PTK7: variants seen among roughly 807,000 people sequenced by gnomAD.
The protein encoded by PTK7 is protein tyrosine kinase 7 (inactive).
A neutral mutation model predicts 116.6 loss-of-function variants in PTK7; 39 were observed. The observed-to-expected ratio is 0.33, with a 90% CI of 0.26 to 0.44. The LOEUF (loss-of-function observed/expected upper bound fraction) is 0.44, where lower values mean the gene tolerates loss of function less well. Among genes scored for constraint, PTK7 ranks in the 20% least tolerant of loss-of-function variants. The probability of loss-of-function intolerance (pLI) is 1.00; values close to 1 mark genes in which losing one functional copy is unlikely to be tolerated. For synonymous variants in PTK7, 546 were observed against 563.6 expected, an observed-to-expected ratio of 0.97 and a Z score of 0.44; for missense variants, 1,169 against 1,425.6, an observed-to-expected ratio of 0.82 and a Z score of 2.90.
rs1362196286 is a variant in PTK7, at chr6:43,076,334, GCTCGGGACGC to G, written c.-138_-129del. On this transcript the variant is annotated 5_prime_UTR_variant, in exon 1 of 20. Transcript: ENST00000230419. The surrounding 1 kb of genome is among the most constrained non-coding windows in gnomAD (Gnocchi z 5.7). ...GAGGTACTGGGCGCGCGCGGCTCCG[GCTCGGGACGC>G]CTCGGGACGCCTCGGGGTCGGGCTC... 1.7e-4 allele frequency: 56 copies of G among 321,350 alleles called. No homozygotes were observed. Among genetic ancestry groups the G allele is most frequent in the South Asian group, 4.9e-4 (4 of 8,126 alleles). 19.9% of individuals were successfully genotyped at this position (321,350 alleles called of 1,614,324 possible). A position where few individuals can be genotyped will look rare whatever the true frequency, so the allele number is the denominator to read the frequency against.
chr6:43,126,396 T>C (rs1049799484), intron 1 of PTK7, among the ~76,000 whole-genome samples: 1 of 152,200 alleles, frequency 6.6e-6, no homozygotes, highest in African/African-American at 2.4e-5. Context: ...AGTCTGATTC[T>C]GCCCATCTGT....
chr6:43,143,645 G>A lies in PTK7; in HGVS notation c.2251+25G>A, dbSNP rs1465965582. ...GGTGAGGGGCCCTGGACGGGGAGGT[G>A]GTGCCCGTGTGCGGGAGCTGAGCGC... is the stretch of plus-strand genomic sequence containing the variant. On this transcript the variant is annotated intron_variant, in intron 14 of 19. Transcript: ENST00000230419. This position sits in a 1 kb window ranked among gnomAD's most constrained non-coding sequence, Gnocchi z 4.2. 6.2e-7 allele frequency: 1 copy of A among 1,601,060 alleles called. No homozygotes were observed. Among genetic ancestry groups the A allele is most frequent in the Non-Finnish European group, 8.5e-7 (1 of 1,175,078 alleles).
chr6:43,145,135 C>A lies in PTK7; in HGVS notation c.2408-65C>A. 2 of 1,459,976 alleles carry A rather than the reference C, an allele frequency of 1.4e-6. No individual in the cohort carries two copies. Among genetic ancestry groups the A allele is most frequent in the Non-Finnish European group, 1.9e-6 (2 of 1,077,508 alleles). 90.4% of individuals were successfully genotyped at this position (1,459,976 alleles called of 1,614,324 possible). A position where few individuals can be genotyped will look rare whatever the true frequency, so the allele number is the denominator to read the frequency against. On this transcript the variant is annotated intron_variant, in intron 15 of 19. Transcript: ENST00000230419. This position sits in a 1 kb window ranked among gnomAD's most constrained non-coding sequence, Gnocchi z 4.8. ...CCACTGTGGGAGAGGCTAGGCCCCT[C>A]CCCCAGGTCAGGAGCTGCCTCGGCC...
chr6:43,143,582 A>T lies in PTK7; in HGVS notation c.2213A>T (p.Gln738Leu). The T allele has an allele frequency of 6.2e-7, 1 of 1,613,254 alleles. No individual in the cohort carries two copies. The highest frequency in any genetic ancestry group is 8.5e-7 in the Non-Finnish European group (1 of 1,180,020). ...TGCAAAGCCAAGCGGCTGCAGAAGC[A>T]GCCCGAGGGCGAGGAGCCAGAGATG... ...KRCKAKRLQK[Q>L]PEGEEPEMEC... The change falls in exon 14 of 20, where the codon CAG becomes CTG. Residue 738 changes from glutamine (Q) to leucine (L), a missense_variant. Around this residue, in one of 3 missense-constraint regions of PTK7, gnomAD observed 678 missense variants for 853.8 expected, o/e 0.79. Coordinates refer to ENST00000230419, the MANE Select transcript of PTK7 (RefSeq NM_002821.5). This position sits in a 1 kb window ranked among gnomAD's most constrained non-coding sequence, Gnocchi z 4.2.
chr6:43,081,301 CT>C lies in PTK7; in HGVS notation c.79+4735del, dbSNP rs1421956956. ...TGCGACACCATCCATATTTTTGCCC[CT>C]ATTGGGTTTTGTTTTAATTTACTGA... On this transcript the variant is annotated intron_variant, in intron 1 of 19. Transcript: ENST00000230419. 2.0e-5 allele frequency among the ~76,000 whole-genome samples: 3 copies of C among 152,326 alleles called. No homozygotes were observed. In the East Asian group the frequency reaches 5.8e-4, roughly 29 times the overall value.
intron 17 of PTK7, among the ~76,000 whole-genome samples, chr6:43,152,093 C>G (rs1415457462): frequency 6.6e-6 from 1 of 151,696 alleles, no homozygotes; most frequent in Non-Finnish European, 1.5e-5. Context: ...GTGATCCACC[C>G]GCCTCGGCCT....
chr6:43,115,259 A>G (rs979561698), intron 1 of PTK7, among the ~76,000 whole-genome samples: 40 of 152,208 alleles, frequency 2.6e-4, no homozygotes, highest in African/African-American at 8.7e-4. Flanking sequence ...AATCATTAGT[A>G]ATGTAGTTAA....
intron 17 of PTK7, among the ~76,000 whole-genome samples, chr6:43,155,424 C>T (rs1015973717): frequency 1.3e-5 from 2 of 151,850 alleles, no homozygotes; most frequent in Non-Finnish European, 2.9e-5. Flanking sequence ...AGGTGGATCA[C>T]GAGGTTAGGG....
At chr6:43,106,533 C>A (rs1468790412) in intron 1 of PTK7, among the ~76,000 whole-genome samples, 1 of 151,916 alleles carries the variant, frequency 6.6e-6, no homozygotes, top group Non-Finnish European at 1.5e-5. Context: ...GTGATCTCTC[C>A]ACCTCGACCT....
rs36001800 is a variant in PTK7 at position 43,156,936 on chromosome 6, G to GA, written c.2722-1867dup. Among the ~76,000 whole-genome samples the GA allele has an allele frequency of 8.4e-3, 1,152 of 137,870 alleles. 4 individuals carry two copies. Among genetic ancestry groups the GA allele is most frequent in the Non-Finnish European group, 9.9e-3 (619 of 62,614 alleles). 90.4% of individuals were successfully genotyped at this position (137,870 alleles called of 152,430 possible). ...AAACAAAAGAATCTTACAATGTTGT[G>GA]AAAAAAAAAAAAAATCCAGGCACAA... On this transcript the variant is annotated intron_variant, in intron 17 of 19. Coordinates refer to ENST00000230419, the MANE Select transcript of PTK7 (RefSeq NM_002821.5).
intron 1 of PTK7, among the ~76,000 whole-genome samples, chr6:43,117,014 G>GA (rs1207191638): frequency 2.0e-5 from 3 of 151,882 alleles, no homozygotes; most frequent in Non-Finnish European, 2.9e-5. Context: ...AATAGGGACG[G>GA]GGTTTCACCA....
intron 7 of PTK7, among the ~76,000 whole-genome samples, chr6:43,134,561 C>T (rs1769909764): frequency 6.6e-6 from 1 of 151,906 alleles, no homozygotes; most frequent in Admixed American, 6.6e-5. Context: ...GTGGGTGGAT[C>T]ACGAGGTCAG....
chr6:43,159,053 A>G, intron 18 of PTK7, 85 bp downstream of exon 18: 2 of 1,548,056 alleles, frequency 1.3e-6, no homozygotes, highest in Non-Finnish European at 1.8e-6. Context: ...GGGGTGTGGG[A>G]AAGGGTTTAG....
chr6:43,076,891 G>A lies in PTK7; in HGVS notation c.79+324G>A, dbSNP rs1176132722. ...GCTGGCTCTCGGGCCCAGATGGGGA[G>A]TTTCTTGTCGGGGGAGAAAAGACCA... On this transcript the variant is annotated intron_variant, in intron 1 of 19. Transcript: ENST00000230419. The surrounding 1 kb of genome is among the most constrained non-coding windows in gnomAD (Gnocchi z 5.7). 2 of 1,507,240 alleles carry A rather than the reference G, an allele frequency of 1.3e-6. No individual in the cohort carries two copies. Among genetic ancestry groups the A allele is most frequent in the Admixed American group, 4.1e-5 (2 of 48,584 alleles). The allele number at this position is 1,507,240 out of a possible 1,614,324, so 93.4% of individuals were successfully genotyped here.
intron 1 of PTK7, among the ~76,000 whole-genome samples, chr6:43,121,868 G>A (rs907642171): frequency 1.3e-5 from 2 of 152,206 alleles, no homozygotes; most frequent in Admixed American, 6.5e-5. Flanking sequence ...GGCCAGGCAT[G>A]GTGGCTCATG....
chr6:43,096,579 A>G (rs1767271279), intron 1 of PTK7, among the ~76,000 whole-genome samples: 2 of 152,214 alleles, frequency 1.3e-5, no homozygotes, highest in African/African-American at 4.8e-5. Context: ...AGCCAGAGTC[A>G]TAAAGAGGTG....
intron 1 of PTK7, among the ~76,000 whole-genome samples, chr6:43,089,521 G>A (rs144974661): frequency 6.6e-6 from 1 of 152,238 alleles, no homozygotes; most frequent in Non-Finnish European, 1.5e-5. Flanking sequence ...GCCTCAGGGG[G>A]GAGAAAAAAA....
intron 1 of PTK7, among the ~76,000 whole-genome samples, chr6:43,091,916 G>T (rs1243148338): frequency 6.6e-6 from 1 of 152,114 alleles, no homozygotes; most frequent in Non-Finnish European, 1.5e-5. Flanking sequence ...AGGCTGGAGT[G>T]CAGTGGCGCG....
intron 7 of PTK7, among the ~76,000 whole-genome samples, chr6:43,135,285 G>C (rs1198194408): frequency 6.6e-6 from 1 of 152,192 alleles, no homozygotes; most frequent in Admixed American, 6.5e-5. Context: ...AAGACGGAGA[G>C]CTCTGGGAAT....
Sources: allele counts gnomAD v4.1 joint callset (sites outside exome capture counted in the v4.1 genomes callset), GRCh38; gene constraint gnomAD v4.1.1; regional missense constraint gnomAD v4.1.1; non-coding constraint Gnocchi (gnomAD v3.1); transcripts MANE v1.5; gene names NCBI Gene and HGNC (gene_info 2026-07-23, HGNC 2026-07-21).